The following SULT6B1 variants were observed in gnomAD, a reference collection of about 807,000 sequenced individuals.
The protein encoded by SULT6B1 is sulfotransferase family 6B member 1.
SULT6B1 carries 44 observed loss-of-function variants against 37.2 expected under a neutral mutation model. The observed-to-expected ratio is 1.18, with a 90% CI of 0.93 to 1.52. The LOEUF (loss-of-function observed/expected upper bound fraction) is 1.52. SULT6B1 is among the 40% of genes most tolerant of loss of function. The pLI is 0.00. For synonymous variants in SULT6B1, 140 were observed against 126.0 expected (o/e 1.11, Z -0.74); for missense variants, 450 against 361.0 (o/e 1.25, Z -2.00).
chr2:37,176,400 C>T (rs1236343498), intron 4 of SULT6B1, among the ~76,000 whole-genome samples: 2 of 150,778 alleles, frequency 1.3e-5, no homozygotes, highest in African/African-American at 4.9e-5. Flanking sequence ...GCTGGGACTA[C>T]AGGCACACAC....
At chr2:37,194,830 C>T (rs1235049673) in intron 1 of SULT6B1, 3 of 151,776 alleles carry the variant, frequency 2.0e-5, no homozygotes, top group African/African-American at 4.9e-5. Context: ...TTCCAATGAC[C>T]TTTTCTTCTT....
In SULT6B1 at chr2:37,169,806, G is replaced by GT. The variant is rs146452926; in HGVS notation, c.781+1627dup. On this transcript the variant is annotated intron_variant, in intron 6 of 6. Transcript: ENST00000535679. ...CCATGTCCGGCCTTAGAACTTCAGT[G>GT]TTTTTTACAATAAAATTTAATCCCA... Among the ~76,000 whole-genome samples, 1,407 of 152,194 alleles carry GT rather than the reference G, an allele frequency of 9.2e-3. 31 individuals carry two copies. The highest frequency in any genetic ancestry group is 0.032 in the African/African-American group (1,340 of 41,538).
upstream of SULT6B1, among the ~76,000 whole-genome samples, chr2:37,191,596 G>A (rs978594001): frequency 6.6e-6 from 1 of 152,216 alleles, no homozygotes; most frequent in East Asian, 1.9e-4. Flanking sequence ...GAAGAATGAG[G>A]TTATGCTGAA....
chr2:37,188,353 G>T (rs11124566), intron 1 of SULT6B1, 89 bp downstream of exon 1: 102 of 1,117,866 alleles, frequency 9.1e-5, no homozygotes, highest in Middle Eastern at 2.1e-4. Flanking sequence ...CCTGCAATGA[G>T]GAACCGCCTT....
chr2:37,193,647 A>AGAAGAAGAAGAAGAAGAAGAG (rs1399734000), upstream of SULT6B1, among the ~76,000 whole-genome samples: 2 of 144,920 alleles, frequency 1.4e-5, no homozygotes, highest in Non-Finnish European at 3.1e-5. Context: ...AAGAAGAAGA[A>AGAAGAAGAAGAAGAAGAAGAG]GAAGGAGAAG....
chr2:37,188,904 A>G (rs145837538), upstream of SULT6B1, among the ~76,000 whole-genome samples: 129 of 152,366 alleles, frequency 8.5e-4, no homozygotes, highest in African/African-American at 2.9e-3. Flanking sequence ...TGAAAGTAAG[A>G]ATGGAATATC....
chr2:37,188,681 G>C (rs1292430729), upstream of SULT6B1: 15 of 725,294 alleles, frequency 2.1e-5, no homozygotes, highest in Middle Eastern at 2.9e-4. Flanking sequence ...GGCTGTTCAG[G>C]GGGAGTGATT....
upstream of SULT6B1, among the ~76,000 whole-genome samples, chr2:37,191,536 C>CT (rs1676778838): frequency 6.6e-6 from 1 of 152,176 alleles, no homozygotes; most frequent in Admixed American, 6.5e-5. Context: ...GTGTTACAGC[C>CT]TTTTTTGTAC....
chr2:37,171,108 A>T (rs538391907), intron 6 of SULT6B1, among the ~76,000 whole-genome samples: 5 of 152,088 alleles, frequency 3.3e-5, no homozygotes, highest in African/African-American at 1.2e-4. Flanking sequence ...GTGTGGTGGC[A>T]CGCGCCTGTT....
intron 4 of SULT6B1, among the ~76,000 whole-genome samples, chr2:37,175,759 T>TTA (rs1676410895): frequency 6.6e-6 from 1 of 152,228 alleles, no homozygotes; most frequent in African/African-American, 2.4e-5. Flanking sequence ...AAACATTACA[T>TTA]TATTTTAATA....
intron 3 of SULT6B1, among the ~76,000 whole-genome samples, chr2:37,181,629 G>A (rs1244505891): frequency 6.6e-6 from 1 of 151,402 alleles, no homozygotes; most frequent in Admixed American, 6.6e-5. Context: ...GATCCCTCCT[G>A]CTTCGGCCTC....
intron 1 of SULT6B1, 128 bp downstream of exon 1, chr2:37,188,314 C>T: frequency 1.4e-6 from 1 of 715,300 alleles, no homozygotes; most frequent in Non-Finnish European, 2.4e-6. Context: ...CCACTGTGGC[C>T]CTCCTCCTCA....
chr2:37,167,843 A>G lies in SULT6B1; in HGVS notation c.*92T>C, dbSNP rs777305909. The stretch of plus-strand genomic sequence containing the variant: ...ATTTAGATTTCAATATTGTTTAATT[A>G]TTATTTGATTATTTGATTGAATTAT... On this transcript the variant is annotated 3_prime_UTR_variant, in exon 7 of 7. Transcript: ENST00000535679. 1.4e-5 allele frequency: 15 copies of G among 1,098,802 alleles called. No homozygotes were observed. Among genetic ancestry groups the G allele is most frequent in the Non-Finnish European group, 1.9e-5 (15 of 805,118 alleles). 68.1% of individuals were successfully genotyped at this position (1,098,802 alleles called of 1,614,324 possible). A position where few individuals can be genotyped will look rare whatever the true frequency, so the allele number is the denominator to read the frequency against.
At chr2:37,181,269 CT>C (rs1374074895) in intron 3 of SULT6B1, among the ~76,000 whole-genome samples, 1 of 152,162 alleles carries the variant, frequency 6.6e-6, no homozygotes, top group Non-Finnish European at 1.5e-5. Flanking sequence ...CTCAGTTGCC[CT>C]GGCTTGTAGC....
intron 4 of SULT6B1, among the ~76,000 whole-genome samples, chr2:37,177,911 A>G (rs1676465830): frequency 6.6e-6 from 1 of 152,212 alleles, no homozygotes; most frequent in Non-Finnish European, 1.5e-5. Flanking sequence ...CTCCAGGGTC[A>G]TTGGGCTTTA....
At chr2:37,172,608 A>G (rs953796667) in intron 5 of SULT6B1, among the ~76,000 whole-genome samples, 3 of 151,926 alleles carry the variant, frequency 2.0e-5, no homozygotes, top group African/African-American at 7.3e-5. Flanking sequence ...CCAGGGTTCC[A>G]GCAATTCTCC....
chr2:37,192,996 T>C (rs1040598989), upstream of SULT6B1, among the ~76,000 whole-genome samples: 1 of 152,332 alleles, frequency 6.6e-6, no homozygotes, highest in Middle Eastern at 3.4e-3. Context: ...ATGTTTGAAC[T>C]GTCATACGTA....
chr2:37,184,552 C>A (rs1417882745), intron 2 of SULT6B1, among the ~76,000 whole-genome samples: 1 of 152,188 alleles, frequency 6.6e-6, no homozygotes, highest in Non-Finnish European at 1.5e-5. Context: ...TGCTTGGTTG[C>A]AGCTACAATA....
At chr2:37,169,686 G>A (rs1301747579) in intron 6 of SULT6B1, among the ~76,000 whole-genome samples, 2 of 152,000 alleles carry the variant, frequency 1.3e-5, no homozygotes, top group African/African-American at 4.8e-5. Flanking sequence ...GTAGAGACAG[G>A]GTTTCACCAT....
Sources: gnomAD v4.1 joint callset for allele counts (sites outside exome capture counted in the v4.1 genomes callset) on GRCh38, gnomAD v4.1.1 for gene constraint, MANE v1.5 for transcripts, NCBI Gene and HGNC (gene_info 2026-07-23, HGNC 2026-07-21) for gene names.